The following RBM6 variants were observed in gnomAD, a reference collection of about 807,000 sequenced individuals.
RBM6 encodes the protein RNA-binding protein 6.
In RBM6, 23 loss-of-function variants were observed where a neutral mutation model predicts 140.4. The observed-to-expected ratio is 0.16, with a 90% CI of 0.12 to 0.23. The LOEUF is 0.23. Ranked by LOEUF, RBM6 falls within the 10% of genes least tolerant of loss-of-function variation. The pLI is 1.00. For missense variants in RBM6, 1,139 were observed against 1,386.7 expected, an observed-to-expected ratio of 0.82 and a Z score of 2.84; for synonymous variants, 439 against 475.6, an observed-to-expected ratio of 0.92 and a Z score of 1.00.
At chr3:50,073,213 G>A (rs193110681) in intron 19 of RBM6, among the ~76,000 whole-genome samples, 1 of 152,266 alleles carries the variant, frequency 6.6e-6, no homozygotes, top group African/African-American at 2.4e-5. Flanking sequence ...CCCTGTCTTA[G>A]TCTGTTTTAT....
intron 6 of RBM6, among the ~76,000 whole-genome samples, chr3:50,027,498 C>G (rs2087908359): frequency 6.6e-6 from 1 of 152,184 alleles, no homozygotes; most frequent in African/African-American, 2.4e-5. Context: ...TCCATTTTCT[C>G]CTACTTCCTT....
rs369348276 is a variant in RBM6 at position 49,975,512 on chromosome 3, G to T, written c.1483+120G>T. Reference sequence around the variant, plus strand: ...CAATTAAAATTTCCAGAAGCCTCCCGTTGGTGCCTCCAAATAACAACCAGC... The same window carrying T: ...CAATTAAAATTTCCAGAAGCCTCCCTTTGGTGCCTCCAAATAACAACCAGC... On this transcript the variant is annotated intron_variant, in intron 5 of 20. Coordinates refer to ENST00000266022, the MANE Select transcript of RBM6 (RefSeq NM_005777.3). 12 of 809,638 alleles carry T rather than the reference G, an allele frequency of 1.5e-5. No homozygotes were observed. The East Asian group carries it at 3.0e-4, about 20-fold the overall frequency. The allele number at this position is 809,638 out of a possible 1,614,324, so 50.2% of individuals were successfully genotyped here. A position where few individuals can be genotyped will look rare whatever the true frequency, so the allele number is the denominator to read the frequency against.
chr3:50,056,136 A>C (rs1402029912), intron 8 of RBM6, among the ~76,000 whole-genome samples: 1 of 152,130 alleles, frequency 6.6e-6, no homozygotes, highest in East Asian at 1.9e-4. Context: ...AAGGCTGTGT[A>C]TGTTCTAGAA....
intron 4 of RBM6, among the ~76,000 whole-genome samples, chr3:49,974,728 C>T (rs1478422968): frequency 7.2e-6 from 1 of 138,986 alleles, no homozygotes; most frequent in Admixed American, 7.7e-5. Flanking sequence ...GCTCTGTTGC[C>T]CAGGCTGGAG....
At chr3:50,070,278 C>T (rs1341084351) in intron 18 of RBM6, among the ~76,000 whole-genome samples, 177 bp from the exon 19 acceptor site, 1 of 152,116 alleles carries the variant, frequency 6.6e-6, no homozygotes, top group Non-Finnish European at 1.5e-5. Flanking sequence ...TCGCTTGAAC[C>T]TGGGAGGCGG....
chr3:49,985,288 A>C (rs147737563), intron 5 of RBM6, among the ~76,000 whole-genome samples: 27 of 152,352 alleles, frequency 1.8e-4, no homozygotes, highest in African/African-American at 5.8e-4. Context: ...TTAAATGAGC[A>C]CCAGATAGAG....
chr3:50,009,619 T>C (rs563985179), intron 6 of RBM6, among the ~76,000 whole-genome samples: 1 of 152,192 alleles, frequency 6.6e-6, no homozygotes, highest in East Asian at 1.9e-4. Flanking sequence ...TGCAGCGGCA[T>C]GATCATGGCT....
chr3:50,039,482 A>ACCCCCCCCCCCCCCCCC (rs10546220), intron 6 of RBM6, among the ~76,000 whole-genome samples: 3 of 122,146 alleles, frequency 2.5e-5, no homozygotes, highest in Non-Finnish European at 5.3e-5. Context: ...CAGGTGATCC[A>ACCCCCCCCCCCCCCCCC]CCCCCCCCCC....
intron 1 of RBM6, among the ~76,000 whole-genome samples, chr3:49,961,140 T>C (rs570875509): frequency 1.5e-4 from 23 of 152,186 alleles, no homozygotes; most frequent in African/African-American, 5.5e-4. Context: ...TGCAGTGGCA[T>C]GATCTTGGCT....
chr3:49,953,833 TA>T (rs1198444670), intron 1 of RBM6, among the ~76,000 whole-genome samples: 1 of 150,582 alleles, frequency 6.6e-6, no homozygotes, highest in Non-Finnish European at 1.5e-5. Context: ...CCTGACTAAT[TA>T]AAAAAAAAAT....
At chr3:50,002,646 C>T (rs936006836) in intron 6 of RBM6, among the ~76,000 whole-genome samples, 2 of 152,202 alleles carry the variant, frequency 1.3e-5, no homozygotes, top group African/African-American at 2.4e-5. Context: ...ATCTGCCCAC[C>T]TTGGCCTCCC....
chr3:50,075,097 A>G (rs996292909), intron 19 of RBM6, 104 bp from the exon 20 acceptor site: 1 of 1,339,148 alleles, frequency 7.5e-7, no homozygotes, highest in Admixed American at 2.3e-5. Flanking sequence ...CAGAGGTTGC[A>G]GTAAGCTGAG....
intron 2 of RBM6, among the ~76,000 whole-genome samples, chr3:49,963,269 T>C (rs1360473626): frequency 6.6e-6 from 1 of 152,132 alleles, no homozygotes; most frequent in East Asian, 1.9e-4. Flanking sequence ...AGTCTCTCTC[T>C]GTCTCCCAGG....
chr3:49,984,810 A>T (rs1451615108), intron 5 of RBM6, among the ~76,000 whole-genome samples: 1 of 152,214 alleles, frequency 6.6e-6, no homozygotes, highest in African/African-American at 2.4e-5. Context: ...AATTAAAGAA[A>T]TTTTCAGATT....
intron 3 of RBM6, among the ~76,000 whole-genome samples, chr3:49,971,104 T>A (rs533444436): frequency 6.7e-6 from 1 of 150,156 alleles, no homozygotes; most frequent in South Asian, 2.1e-4. Flanking sequence ...CCATTTCTAC[T>A]AAAAATACAA....
At chr3:50,061,758 G>C (rs2089951908) in intron 14 of RBM6, 4 of 1,330,210 alleles carry the variant, frequency 3.0e-6, no homozygotes, top group African/African-American at 1.5e-5. Flanking sequence ...GGTAAGAACA[G>C]TGTTGCTCTT....
chr3:49,995,346 A>G (rs1452965223), intron 5 of RBM6, among the ~76,000 whole-genome samples: 2 of 152,126 alleles, frequency 1.3e-5, no homozygotes, highest in Non-Finnish European at 2.9e-5. Context: ...ACCTGAGCTC[A>G]GGAGTTCGAG....
intron 5 of RBM6, among the ~76,000 whole-genome samples, chr3:49,977,118 C>T (rs988785474): frequency 6.6e-6 from 1 of 152,166 alleles, no homozygotes; most frequent in Non-Finnish European, 1.5e-5. Context: ...GGAAGAAATT[C>T]CCAGCTTCTT....
At chr3:49,980,805 GA>G (rs1274699279) in intron 5 of RBM6, among the ~76,000 whole-genome samples, 1 of 149,156 alleles carries the variant, frequency 6.7e-6, no homozygotes, top group Non-Finnish European at 1.5e-5. Context: ...AAGCATATAT[GA>G]ATCTTTTCCC....
Sources: allele counts gnomAD v4.1 joint callset (sites outside exome capture counted in the v4.1 genomes callset), GRCh38; gene constraint gnomAD v4.1.1; transcripts MANE v1.5; gene names NCBI Gene and HGNC (gene_info 2026-07-23, HGNC 2026-07-21).